Variants in RSRC1 observed in about 807,000 individuals in gnomAD.
The protein encoded by RSRC1 is arginine and serine rich coiled-coil 1.
RSRC1 carries 39 observed loss-of-function variants against 49.1 expected under a neutral mutation model. That is an observed-to-expected ratio of 0.79 (90% CI 0.61 to 1.04). The LOEUF is 1.04. RSRC1 is among the 50% of genes least tolerant of loss of function. The pLI is 0.00. For synonymous variants in RSRC1, 143 were observed against 130.8 expected, an observed-to-expected ratio of 1.09 and a Z score of -0.63; for missense variants, 388 against 402.4, an observed-to-expected ratio of 0.96 and a Z score of 0.31.
At chr3:158,297,916 G>A (rs773831572) in intron 4 of RSRC1, 123 bp from the exon 5 acceptor site, 4 of 701,662 alleles carry the variant, frequency 5.7e-6, no homozygotes, top group African/African-American at 1.8e-5. Flanking sequence ...TAAAAACAGT[G>A]TTATGAACAT....
intron 6 of RSRC1, among the ~76,000 whole-genome samples, chr3:158,419,674 A>G (rs1020911403): frequency 6.6e-6 from 1 of 151,898 alleles, no homozygotes; most frequent in African/African-American, 2.4e-5. Context: ...TAGAACAGGT[A>G]ATTATGTGCC....
intron 4 of RSRC1, among the ~76,000 whole-genome samples, chr3:158,246,329 A>G (rs989911455): frequency 3.9e-5 from 6 of 152,014 alleles, no homozygotes; most frequent in Non-Finnish European, 8.8e-5. Context: ...GCCCACCAAC[A>G]TGGCACATGT....
chr3:158,263,016 C>T (rs557753364), intron 4 of RSRC1, among the ~76,000 whole-genome samples: 1 of 151,954 alleles, frequency 6.6e-6, no homozygotes, highest in Non-Finnish European at 1.5e-5. Context: ...AGTCTTGATG[C>T]CTTTTGTTTT....
chr3:158,198,497 T>C (rs1364661768), intron 3 of RSRC1, among the ~76,000 whole-genome samples: 2 of 152,150 alleles, frequency 1.3e-5, no homozygotes, highest in Non-Finnish European at 2.9e-5. Context: ...ATATTTAAGG[T>C]TAATATTGTT....
At chr3:158,334,600 C>T (rs1431990838) in intron 5 of RSRC1, among the ~76,000 whole-genome samples, 1 of 150,774 alleles carries the variant, frequency 6.6e-6, no homozygotes, top group Non-Finnish European at 1.5e-5. Flanking sequence ...CCTGCCTCAG[C>T]TTCCCAAGTA....
intron 1 of RSRC1, among the ~76,000 whole-genome samples, chr3:158,118,456 TGTGTGTGC>T (rs1449384147): frequency 0.011 from 1,415 of 132,282 alleles, 41 homozygotes; most frequent in African/African-American, 0.042. Context: ...TGTGTGTGTG[TGTGTGTGC>T]GCGTGCGCGT....
intron 4 of RSRC1, among the ~76,000 whole-genome samples, chr3:158,275,191 C>T (rs1018057674): frequency 6.6e-6 from 1 of 152,288 alleles, no homozygotes; most frequent in South Asian, 2.1e-4. Flanking sequence ...ATACCACTAC[C>T]ATTAACCATT....
At chr3:158,178,416 G>A (rs1239783074) in intron 3 of RSRC1, among the ~76,000 whole-genome samples, 2 of 152,152 alleles carry the variant, frequency 1.3e-5, no homozygotes, top group Non-Finnish European at 2.9e-5. Context: ...TGGGATTACA[G>A]GCATGAGCCA....
chr3:158,314,300 C>T (rs1477255183), intron 5 of RSRC1, among the ~76,000 whole-genome samples: 1 of 152,004 alleles, frequency 6.6e-6, no homozygotes, highest in Non-Finnish European at 1.5e-5. Flanking sequence ...GCCATGTTGG[C>T]CAGGCTGGTC....
At chr3:158,343,774 TAG>T (rs79834430) in intron 5 of RSRC1, among the ~76,000 whole-genome samples, 33,275 of 151,726 alleles carry the variant, frequency 0.22, 4,220 homozygotes, top group Non-Finnish European at 0.29. Flanking sequence ...AAAATGAAAC[TAG>T]AGAGAAAAAG....
intron 3 of RSRC1, among the ~76,000 whole-genome samples, chr3:158,128,639 A>T (rs367783339): frequency 6.6e-6 from 1 of 152,214 alleles, no homozygotes; most frequent in Non-Finnish European, 1.5e-5. Context: ...GGACATTAAC[A>T]TTGATACAGT....
chr3:158,214,903 A>C (rs927451147), intron 4 of RSRC1, among the ~76,000 whole-genome samples: 2 of 151,896 alleles, frequency 1.3e-5, no homozygotes, highest in Non-Finnish European at 2.9e-5. Flanking sequence ...CATCTGTTGT[A>C]TAAATAGCAA....
chr3:158,238,777 G>A (rs1383617805), intron 4 of RSRC1, among the ~76,000 whole-genome samples: 1 of 151,998 alleles, frequency 6.6e-6, no homozygotes, highest in Non-Finnish European at 1.5e-5. Context: ...GAAAAAAACA[G>A]AGGGAATACC....
chr3:158,287,892 A>G lies in RSRC1; in HGVS notation c.495-10147A>G, dbSNP rs1726670088. Reference sequence around the variant, plus strand: ...AATTTTTCTACAATAAGCATTTATTATTTGAAGGGTCACTTGTAGCCCATA... The same window carrying G: ...AATTTTTCTACAATAAGCATTTATTGTTTGAAGGGTCACTTGTAGCCCATA... On this transcript the variant is annotated intron_variant, in intron 4 of 9. Transcript: ENST00000611884. 3.3e-5 allele frequency among the ~76,000 whole-genome samples: 5 copies of G among 152,286 alleles called. No homozygotes were observed. In the South Asian group the frequency reaches 1.0e-3, roughly 32 times the overall value.
chr3:158,485,995 CAT>C (rs1738803953), intron 7 of RSRC1, among the ~76,000 whole-genome samples: 1 of 152,140 alleles, frequency 6.6e-6, no homozygotes, highest in Non-Finnish European at 1.5e-5. Context: ...AAGAAAAAAT[CAT>C]AACGTTCATT....
chr3:158,444,946 A>G (rs1310470601), intron 6 of RSRC1, among the ~76,000 whole-genome samples: 1 of 152,186 alleles, frequency 6.6e-6, no homozygotes, highest in East Asian at 1.9e-4. Flanking sequence ...AATCAAAACC[A>G]CAATGAGATA....
chr3:158,405,042 T>A (rs1052912572), intron 6 of RSRC1, among the ~76,000 whole-genome samples: 1 of 152,044 alleles, frequency 6.6e-6, no homozygotes, highest in Non-Finnish European at 1.5e-5. Flanking sequence ...CTGCATAAAA[T>A]GTCTGAACTT....
chr3:158,379,277 T>C (rs1259151436), intron 6 of RSRC1, among the ~76,000 whole-genome samples: 6 of 142,372 alleles, frequency 4.2e-5, no homozygotes, highest in Non-Finnish European at 7.5e-5. Context: ...CTCAGCTCAC[T>C]GCAAGCTCCG....
At chr3:158,420,665 A>C (rs562173927) in intron 6 of RSRC1, among the ~76,000 whole-genome samples, 1 of 152,066 alleles carries the variant, frequency 6.6e-6, no homozygotes, top group Non-Finnish European at 1.5e-5. Context: ...TGAAATTCCT[A>C]ATTTTCTTAA....
Sources: gnomAD v4.1 joint callset for allele counts (sites outside exome capture counted in the v4.1 genomes callset) on GRCh38, gnomAD v4.1.1 for gene constraint, MANE v1.5 for transcripts, NCBI Gene and HGNC (gene_info 2026-07-23, HGNC 2026-07-21) for gene names.